Variants in CSRNP3 observed in about 807,000 individuals in gnomAD.
CSRNP3 encodes cysteine/serine-rich nuclear protein 3.
A neutral mutation model predicts 48.0 loss-of-function variants in CSRNP3; 12 were observed. The observed-to-expected ratio is 0.25, with a 90% CI of 0.16 to 0.41. The LOEUF (loss-of-function observed/expected upper bound fraction) is 0.41. Among genes scored for constraint, CSRNP3 ranks in the 10% least tolerant of loss-of-function variants. The pLI, the probability that CSRNP3 is intolerant of heterozygous loss-of-function variation, is 1.00. For missense variants in CSRNP3, 580 were observed against 724.4 expected (o/e 0.80, Z 2.29); for synonymous variants, 263 against 269.7 (o/e 0.98, Z 0.24).
intron 3 of CSRNP3, among the ~76,000 whole-genome samples, chr2:165,563,903 T>G (rs141830308): frequency 1.3e-5 from 2 of 152,170 alleles, no homozygotes; most frequent in East Asian, 3.9e-4. Flanking sequence ...GCCCTTGTAA[T>G]TTTTCATGAA....
chr2:165,625,525 T>C (rs1686416432), intron 4 of CSRNP3, among the ~76,000 whole-genome samples: 1 of 151,016 alleles, frequency 6.6e-6, no homozygotes, highest in African/African-American at 2.4e-5. Context: ...TCCCAGCTAC[T>C]TGGGAAGCTG....
chr2:165,626,138 G>A (rs1038489763), intron 4 of CSRNP3, among the ~76,000 whole-genome samples: 4 of 151,318 alleles, frequency 2.6e-5, no homozygotes, highest in African/African-American at 9.7e-5. Context: ...CAGGAGAATC[G>A]CTTGAACTCA....
chr2:165,474,080 A>T (rs534358846), intron 1 of CSRNP3, among the ~76,000 whole-genome samples: 1 of 152,158 alleles, frequency 6.6e-6, no homozygotes, highest in East Asian at 1.9e-4. Context: ...TTATTTTCCA[A>T]TACCACAAAG....
chr2:165,505,125 T>A (rs1030528691), intron 2 of CSRNP3, among the ~76,000 whole-genome samples: 7 of 152,108 alleles, frequency 4.6e-5, no homozygotes, highest in African/African-American at 1.7e-4. Flanking sequence ...ATAAATTCAT[T>A]CTTCAAACAA....
At chr2:165,520,826 T>TTCCTTTG (rs1684649961) in intron 3 of CSRNP3, among the ~76,000 whole-genome samples, 1 of 105,048 alleles carries the variant, frequency 9.5e-6, no homozygotes. Context: ...TATATATATA[T>TTCCTTTG]ACATATTTTT....
At chr2:165,534,802 T>C (rs543811865) in intron 3 of CSRNP3, among the ~76,000 whole-genome samples, 3 of 151,790 alleles carry the variant, frequency 2.0e-5, no homozygotes, top group Non-Finnish European at 4.4e-5. Context: ...TAATAATATC[T>C]TAGTACATTA....
chr2:165,614,178 GT>G (rs923264301), intron 4 of CSRNP3, among the ~76,000 whole-genome samples: 9 of 151,626 alleles, frequency 5.9e-5, no homozygotes, highest in East Asian at 1.9e-4. Flanking sequence ...TTATTCACAG[GT>G]TTTTTTTATT....
intron 1 of CSRNP3, among the ~76,000 whole-genome samples, chr2:165,489,102 T>A (rs1248582588): frequency 1.3e-5 from 2 of 148,704 alleles, no homozygotes; most frequent in East Asian, 2.0e-4. Flanking sequence ...CAATAAAAAA[T>A]GATAAAGGGG....
At chr2:165,631,765 A>G (rs1686541304) in intron 4 of CSRNP3, among the ~76,000 whole-genome samples, 2 of 152,208 alleles carry the variant, frequency 1.3e-5, no homozygotes, top group African/African-American at 4.8e-5. Context: ...CCACTCTTTC[A>G]CCAGTTGTTA....
rs1396297097 is a variant in CSRNP3 at position 165,686,455 on chromosome 2, T to C, written c.*6702T>C. On this transcript the variant is annotated 3_prime_UTR_variant, in exon 7 of 7. Transcript: ENST00000651982. Reference sequence around the variant, plus strand: ...AGCCATTAAAAAAGCCACCCCTCTTTAAAACAAATTTAAAGATCTATATAC... The same window carrying C: ...AGCCATTAAAAAAGCCACCCCTCTTCAAAACAAATTTAAAGATCTATATAC... The C allele has an allele frequency of 6.6e-6, 1 of 152,030 alleles. No homozygotes were observed. Among genetic ancestry groups the C allele is most frequent in the Non-Finnish European group, 1.5e-5 (1 of 67,970 alleles). The allele number at this position is 152,030 out of a possible 1,614,324, so 9.4% of individuals were successfully genotyped here.
chr2:165,654,582 G>C (rs1295732109), intron 4 of CSRNP3, among the ~76,000 whole-genome samples: 1 of 152,056 alleles, frequency 6.6e-6, no homozygotes, highest in African/African-American at 2.4e-5. Context: ...TGGAATGGAA[G>C]CTCCACACAG....
chr2:165,593,026 C>G (rs995353988), intron 3 of CSRNP3, among the ~76,000 whole-genome samples: 1 of 151,922 alleles, frequency 6.6e-6, no homozygotes, highest in African/African-American at 2.4e-5. Flanking sequence ...TGGTCTCGAT[C>G]TCCTGACCTC....
intron 3 of CSRNP3, among the ~76,000 whole-genome samples, chr2:165,572,977 T>C (rs1363446905): frequency 6.6e-6 from 1 of 152,146 alleles, no homozygotes; most frequent in Non-Finnish European, 1.5e-5. Flanking sequence ...AGTTTACATG[T>C]CTTATAAATT....
chr2:165,494,358 G>A (rs1684258441), intron 1 of CSRNP3, among the ~76,000 whole-genome samples: 1 of 152,038 alleles, frequency 6.6e-6, no homozygotes, highest in African/African-American at 2.4e-5. Flanking sequence ...TAATCAGTAT[G>A]CTGTGGATAT....
intron 4 of CSRNP3, among the ~76,000 whole-genome samples, chr2:165,628,296 T>A (rs1364084041): frequency 6.6e-6 from 1 of 152,238 alleles, no homozygotes; most frequent in Non-Finnish European, 1.5e-5. Context: ...TTGTGCCTTT[T>A]TCCCCCTTTT....
chr2:165,668,401 C>CTTTTTTTTT (rs71393687), intron 5 of CSRNP3, among the ~76,000 whole-genome samples: 180 of 111,448 alleles, frequency 1.6e-3, no homozygotes, highest in Middle Eastern at 4.6e-3. Flanking sequence ...TTCTTTCTTT[C>CTTTTTTTTT]TTTTTTTTTT....
chr2:165,490,370 T>C (rs1684186540), intron 1 of CSRNP3, among the ~76,000 whole-genome samples: 1 of 145,336 alleles, frequency 6.9e-6, no homozygotes, highest in African/African-American at 2.6e-5. Context: ...ATGGCCATAC[T>C]GCCCAAGGTA....
At chr2:165,492,498 C>T (rs1168752477) in intron 1 of CSRNP3, among the ~76,000 whole-genome samples, 4 of 151,968 alleles carry the variant, frequency 2.6e-5, no homozygotes, top group Non-Finnish European at 5.9e-5. Flanking sequence ...GGTTCCCTCA[C>T]CTCCTCCATG....
intron 1 of CSRNP3, among the ~76,000 whole-genome samples, chr2:165,485,986 G>A (rs1001974533): frequency 1.3e-5 from 2 of 152,076 alleles, no homozygotes; most frequent in Admixed American, 6.5e-5. Flanking sequence ...AGCTCCCAGC[G>A]TGAGCGACGC....
Sources: gnomAD v4.1 joint callset for allele counts (sites outside exome capture counted in the v4.1 genomes callset) on GRCh38, gnomAD v4.1.1 for gene constraint, MANE v1.5 for transcripts, NCBI Gene and HGNC (gene_info 2026-07-23, HGNC 2026-07-21) for gene names.